RFX4: variants seen among roughly 807,000 people sequenced by gnomAD.
The protein encoded by RFX4 is transcription factor RFX4.
In RFX4, 10 loss-of-function variants were observed where a neutral mutation model predicts 95.0. The ratio of observed to expected loss-of-function variants is 0.11; its 90% CI spans 0.06 to 0.18. RFX4 has a LOEUF of 0.18. Among genes scored for constraint, RFX4 ranks in the 10% least tolerant of loss-of-function variants. The pLI is 1.00. For missense variants in RFX4, 640 were observed against 922.0 expected (o/e 0.69, Z 3.96); for synonymous variants, 321 against 340.7 (o/e 0.94, Z 0.64).
intron 13 of RFX4, among the ~76,000 whole-genome samples, chr12:106,729,975 A>C (rs1375815208): frequency 2.6e-5 from 4 of 152,174 alleles, no homozygotes; most frequent in Non-Finnish European, 5.9e-5. Context: ...TGAATACCAA[A>C]TGGCATTGAA....
intron 2 of RFX4, among the ~76,000 whole-genome samples, chr12:106,638,735 GC>G (rs2040561844): frequency 6.6e-6 from 1 of 152,172 alleles, no homozygotes; most frequent in South Asian, 2.1e-4. Context: ...TGTGGTGAGG[GC>G]CCACTTTCTG....
chr12:106,715,718 C>A, intron 11 of RFX4, 174 bp downstream of exon 11: 2 of 706,144 alleles, frequency 2.8e-6, no homozygotes, highest in Non-Finnish European at 4.6e-6. Context: ...GGCTGATTGA[C>A]TTGAGAGGAC....
chr12:106,692,018 G>A (rs1189021545), intron 7 of RFX4, among the ~76,000 whole-genome samples: 9 of 152,044 alleles, frequency 5.9e-5, no homozygotes, highest in African/African-American at 1.9e-4. Flanking sequence ...TTAGCTGGAC[G>A]TGGTGGCGCG....
At chr12:106,658,922 C>G (rs2041015802) in intron 4 of RFX4, among the ~76,000 whole-genome samples, 1 of 152,076 alleles carries the variant, frequency 6.6e-6, no homozygotes, top group Non-Finnish European at 1.5e-5. Context: ...AGTGTTACAC[C>G]CTGATTCTTA....
At chr12:106,611,675 T>C (rs2039964329) in intron 2 of RFX4, among the ~76,000 whole-genome samples, 1 of 152,126 alleles carries the variant, frequency 6.6e-6, no homozygotes, top group Non-Finnish European at 1.5e-5. Context: ...TGCGCCAGGC[T>C]AATTTTTGTA....
chr12:106,672,763 T>TAAAAA lies in RFX4; in HGVS notation c.316-9217_316-9213dup, dbSNP rs58826004. On this transcript the variant is annotated intron_variant, in intron 4 of 17. Transcript: ENST00000392842. ...TAATTTGCAGCCCATAAGAAACACT[T>TAAAAA]AAAAAAAAAAAAAAAAAGCCAAACC... Among the ~76,000 whole-genome samples the TAAAAA allele has an allele frequency of 3.7e-3, 481 of 130,886 alleles. 2 individuals carry two copies. Among genetic ancestry groups the TAAAAA allele is most frequent in the African/African-American group, 0.013 (461 of 35,452 alleles). The allele number at this position is 130,886 out of a possible 152,430, so 85.9% of individuals were successfully genotyped here. A position where few individuals can be genotyped will look rare whatever the true frequency, so the allele number is the denominator to read the frequency against.
intron 17 of RFX4, among the ~76,000 whole-genome samples, chr12:106,758,202 C>G (rs2043144700): frequency 6.6e-6 from 1 of 152,138 alleles, no homozygotes; most frequent in African/African-American, 2.4e-5. Context: ...ACGGGCCAGC[C>G]TCTGCCACTC....
At chr12:106,659,843 A>G (rs925422451) in intron 4 of RFX4, among the ~76,000 whole-genome samples, 1 of 152,162 alleles carries the variant, frequency 6.6e-6, no homozygotes, top group Non-Finnish European at 1.5e-5. Flanking sequence ...GAGTTATTTC[A>G]GGGTTAGGCT....
chr12:106,735,751 T>C (rs1181908408), intron 15 of RFX4, among the ~76,000 whole-genome samples: 1 of 152,136 alleles, frequency 6.6e-6, no homozygotes, highest in Non-Finnish European at 1.5e-5. Context: ...CTGGGTGCTA[T>C]GGGAAATAAA....
rs1342647454 is a variant in RFX4, at chr12:106,761,390, A to T, written c.2129A>T (p.Asn710Ile). 6.2e-7 allele frequency: 1 copy of T among 1,614,034 alleles called. No individual in the cohort carries two copies. Among genetic ancestry groups the T allele is most frequent in the Non-Finnish European group, 8.5e-7 (1 of 1,180,030 alleles). Residue 710 changes from asparagine (N) to isoleucine (I), a missense_variant, in exon 18 of 18, where the codon AAT becomes ATT. By Grantham distance (149) the Asn-to-Ile change is moderately radical. This residue lies in a region of RFX4 where 300 missense variants were observed against 346.8 expected (regional missense o/e 0.87). Transcript: ENST00000392842. ...TATACACCTCTGACAACGCGCAGGA[A>T]TTCTGAATATGAGCACATGCAACAC... ...DMYTPLTTRR[N>I]SEYEHMQHFP... is the part of the protein sequence containing the mutation.
At chr12:106,733,123 G>A (rs773230001) in intron 15 of RFX4, 38 bp downstream of exon 15, 29 of 1,607,346 alleles carry the variant, frequency 1.8e-5, no homozygotes, top group Admixed American at 3.3e-5. Context: ...GGTAGTTAAT[G>A]TTTGAAGAAA....
At chr12:106,693,708 G>A (rs914122319) in intron 7 of RFX4, among the ~76,000 whole-genome samples, 7 of 152,156 alleles carry the variant, frequency 4.6e-5, no homozygotes, top group African/African-American at 1.7e-4. Context: ...GTCAGCCACC[G>A]GGTGTCTCAG....
intron 4 of RFX4, among the ~76,000 whole-genome samples, chr12:106,668,792 C>T (rs2041225687): frequency 6.6e-6 from 1 of 152,134 alleles, no homozygotes; most frequent in Non-Finnish European, 1.5e-5. Context: ...AAATTATGAG[C>T]TCATGGGAAG....
At chr12:106,702,994 A>C (rs1253165427) in intron 8 of RFX4, among the ~76,000 whole-genome samples, 2 of 152,080 alleles carry the variant, frequency 1.3e-5, no homozygotes, top group African/African-American at 4.8e-5. Flanking sequence ...ATAGATGTGA[A>C]CTTCTTTTGC....
intron 2 of RFX4, among the ~76,000 whole-genome samples, chr12:106,623,889 G>T (rs2137243027): frequency 6.6e-6 from 1 of 152,364 alleles, no homozygotes; most frequent in Middle Eastern, 3.4e-3. Context: ...AGATGGGAAG[G>T]AGTAGGCTCC....
chr12:106,589,780 T>G (rs994217294), intron 1 of RFX4, among the ~76,000 whole-genome samples: 1 of 152,212 alleles, frequency 6.6e-6, no homozygotes. Flanking sequence ...TTGTCTTCCC[T>G]GGGCTCCAGA....
chr12:106,589,657 G>T (rs984983017), intron 1 of RFX4, among the ~76,000 whole-genome samples: 4 of 152,198 alleles, frequency 2.6e-5, no homozygotes, highest in African/African-American at 9.7e-5. Context: ...ACATCACCTA[G>T]ACTCTGCTGT....
intron 2 of RFX4, among the ~76,000 whole-genome samples, chr12:106,631,414 G>A (rs1358783085): frequency 1.3e-5 from 2 of 152,266 alleles, no homozygotes; most frequent in Admixed American, 1.3e-4. Flanking sequence ...CCAGTGGTCA[G>A]TGCTGCAGAC....
At chr12:106,606,726 T>C (rs926545663) in intron 1 of RFX4, among the ~76,000 whole-genome samples, 1 of 152,196 alleles carries the variant, frequency 6.6e-6, no homozygotes, top group Non-Finnish European at 1.5e-5. Context: ...TCCCCTCAGA[T>C]ATTTTCCCCC....
Sources: allele counts gnomAD v4.1 joint callset (sites outside exome capture counted in the v4.1 genomes callset), GRCh38; gene constraint gnomAD v4.1.1; regional missense constraint gnomAD v4.1.1; transcripts MANE v1.5; gene names NCBI Gene and HGNC (gene_info 2026-07-23, HGNC 2026-07-21).